Variants in MAP3K5 observed in about 807,000 individuals in gnomAD.
MAP3K5 encodes the protein ASK-1.
MAP3K5 carries 56 observed loss-of-function variants against 158.7 expected under a neutral mutation model. The ratio of observed to expected loss-of-function variants is 0.35; its 90% CI spans 0.28 to 0.44. The LOEUF is 0.44. MAP3K5 is among the 20% of genes least tolerant of loss of function. The pLI is 1.00. For synonymous variants in MAP3K5, 579 were observed against 601.7 expected, an observed-to-expected ratio of 0.96 and a Z score of 0.55; for missense variants, 1,294 against 1,674.8, an observed-to-expected ratio of 0.77 and a Z score of 3.97.
intron 14 of MAP3K5, among the ~76,000 whole-genome samples, chr6:136,632,619 T>C (rs1452841617): frequency 3.9e-5 from 6 of 152,064 alleles, no homozygotes; most frequent in Non-Finnish European, 8.8e-5. Flanking sequence ...GCATGAGACA[T>C]GTTAGGCTAT....
chr6:136,597,196 C>T (rs1030549480), intron 21 of MAP3K5, among the ~76,000 whole-genome samples: 1 of 152,158 alleles, frequency 6.6e-6, no homozygotes, highest in African/African-American at 2.4e-5. Context: ...AGCCCCATAT[C>T]CCCTAAGAGA....
intron 1 of MAP3K5, among the ~76,000 whole-genome samples, chr6:136,743,315 T>C (rs1304258058): frequency 1.3e-5 from 2 of 152,034 alleles, no homozygotes; most frequent in South Asian, 2.1e-4. Context: ...CCGGGCATGG[T>C]GGCAGGCACC....
At chr6:136,584,485 A>T (rs1775027100) in intron 23 of MAP3K5, 1 of 153,898 alleles carries the variant, frequency 6.5e-6, no homozygotes, top group South Asian at 2.1e-4. Context: ...GGCAGCAGGC[A>T]AAAAGAGAGA....
intron 1 of MAP3K5, among the ~76,000 whole-genome samples, chr6:136,737,572 GCTT>G (rs1351136157): frequency 6.6e-6 from 1 of 152,186 alleles, no homozygotes; most frequent in Non-Finnish European, 1.5e-5. Flanking sequence ...CCCTTTGACG[GCTT>G]CTTATCACGC....
Position 136,759,177 on chromosome 6 carries a change from A to G in MAP3K5, c.448+32533T>C, listed in dbSNP as rs115476833. ...CAGAGTGAGATTGTCTAAAAAAAAT[A>G]AAATAAAAGAATAGACTTTTGAAAG... On this transcript the variant is annotated intron_variant, in intron 1 of 29. Transcript: ENST00000359015. 2.8e-3 allele frequency among the ~76,000 whole-genome samples: 431 copies of G among 152,220 alleles called. 1 individual carries two copies. The highest frequency in any genetic ancestry group is 1.0e-2 in the African/African-American group (415 of 41,516).
chr6:136,566,630 C>G (rs899691438), intron 26 of MAP3K5, among the ~76,000 whole-genome samples: 1 of 152,160 alleles, frequency 6.6e-6, no homozygotes, highest in African/African-American at 2.4e-5. Flanking sequence ...TTTCAGAGGA[C>G]AAAATTGGGA....
intron 1 of MAP3K5, among the ~76,000 whole-genome samples, chr6:136,740,733 C>T (rs1449866888): frequency 2.0e-5 from 3 of 152,156 alleles, no homozygotes; most frequent in African/African-American, 7.2e-5. Flanking sequence ...TTTATGTTAG[C>T]TTACTTTTAG....
chr6:136,772,237 AG>A (rs950536647), intron 1 of MAP3K5, among the ~76,000 whole-genome samples: 13 of 147,524 alleles, frequency 8.8e-5, no homozygotes, highest in East Asian at 2.0e-4. Flanking sequence ...CATTATTTTG[AG>A]GGGGGGGGAG....
chr6:136,592,086 T>G (rs1427806833), intron 23 of MAP3K5, 87 bp downstream of exon 23: 3 of 1,293,416 alleles, frequency 2.3e-6, no homozygotes, highest in Non-Finnish European at 3.2e-6. Flanking sequence ...CTCTTGCCTT[T>G]CACATCATCT....
chr6:136,606,975 A>G (rs983232762), intron 18 of MAP3K5, among the ~76,000 whole-genome samples: 2 of 152,234 alleles, frequency 1.3e-5, no homozygotes, highest in African/African-American at 4.8e-5. Context: ...TTATCACTGC[A>G]TAGCAGTAGT....
intron 2 of MAP3K5, among the ~76,000 whole-genome samples, chr6:136,714,966 C>T (rs749918817): frequency 7.2e-5 from 11 of 152,194 alleles, no homozygotes; most frequent in African/African-American, 1.9e-4. Context: ...AAGGAGTAAG[C>T]GTGTAGACAG....
Position 136,557,955 on chromosome 6 carries a change from C to A in MAP3K5, c.4065-137G>T, listed in dbSNP as rs1830322365. 7.8e-6 allele frequency: 5 copies of A among 639,322 alleles called. No individual in the cohort carries two copies. In the East Asian group the frequency reaches 1.4e-4, roughly 18 times the overall value. 39.6% of individuals were successfully genotyped at this position (639,322 alleles called of 1,614,324 possible). A position where few individuals can be genotyped will look rare whatever the true frequency, so the allele number is the denominator to read the frequency against. On this transcript the variant is annotated intron_variant, in intron 29 of 29. Coordinates refer to ENST00000359015, the MANE Select transcript of MAP3K5 (RefSeq NM_005923.4). ...AAAGTCTGATCAGTTATTATGTATT[C>A]TTTTTGTATATTTTTTCTCATCTTC... is the stretch of plus-strand genomic sequence containing the variant.
chr6:136,674,772 C>T (rs1189783755), intron 7 of MAP3K5, among the ~76,000 whole-genome samples: 5 of 151,850 alleles, frequency 3.3e-5, no homozygotes, highest in Non-Finnish European at 7.4e-5. Context: ...ATCTAAAATG[C>T]TCCAAAATCC....
chr6:136,601,489 A>C (rs1775873133), intron 20 of MAP3K5, among the ~76,000 whole-genome samples: 1 of 152,184 alleles, frequency 6.6e-6, no homozygotes, highest in South Asian at 2.1e-4. Context: ...TTCAGCTCTA[A>C]AAGGCTAAAT....
At chr6:136,763,162 T>C (rs1783826558) in intron 1 of MAP3K5, among the ~76,000 whole-genome samples, 1 of 152,146 alleles carries the variant, frequency 6.6e-6, no homozygotes, top group Non-Finnish European at 1.5e-5. Flanking sequence ...CCAGCTAATT[T>C]TTTCATTTTT....
chr6:136,638,175 A>G (rs1033243210), intron 13 of MAP3K5, among the ~76,000 whole-genome samples: 6 of 152,202 alleles, frequency 3.9e-5, no homozygotes, highest in African/African-American at 1.4e-4. Flanking sequence ...AATGAATGAG[A>G]GAGAAAAGCT....
In MAP3K5 at chr6:136,784,578, G is replaced by A. The variant is rs187262856; in HGVS notation, c.448+7132C>T. Among the ~76,000 whole-genome samples, 226 of 152,088 alleles carry A rather than the reference G, an allele frequency of 1.5e-3. 1 individual carries two copies. The highest frequency in any genetic ancestry group is 6.8e-3 in the Middle Eastern group (2 of 294). On this transcript the variant is annotated intron_variant, in intron 1 of 29. Coordinates refer to ENST00000359015, the MANE Select transcript of MAP3K5 (RefSeq NM_005923.4). ...AGTTTTCCCTTATGAGTTTATCTAC[G>A]TTTGCTCTTTTGATAATTTTACTAA...
intron 1 of MAP3K5, among the ~76,000 whole-genome samples, chr6:136,785,014 T>C (rs774495854): frequency 2.0e-5 from 3 of 152,116 alleles, no homozygotes; most frequent in Non-Finnish European, 4.4e-5. Flanking sequence ...AACTGGTTCG[T>C]GGGAACCACT....
At chr6:136,654,491 G>A (rs1441583956) in intron 10 of MAP3K5, among the ~76,000 whole-genome samples, 1 of 151,882 alleles carries the variant, frequency 6.6e-6, no homozygotes, top group Non-Finnish European at 1.5e-5. Flanking sequence ...TTGTTGCCCA[G>A]GCTGGACTGC....
Sources: allele counts gnomAD v4.1 joint callset (sites outside exome capture counted in the v4.1 genomes callset), GRCh38; gene constraint gnomAD v4.1.1; transcripts MANE v1.5; gene names NCBI Gene and HGNC (gene_info 2026-07-23, HGNC 2026-07-21).